The following RFTN1 variants were observed in gnomAD, a reference collection of about 807,000 sequenced individuals.
RFTN1 encodes the protein raftlin.
In RFTN1, 26 loss-of-function variants were observed where a neutral mutation model predicts 46.5. The observed-to-expected ratio is 0.56, with a 90% CI of 0.41 to 0.78. The LOEUF is 0.78. Among genes scored for constraint, RFTN1 ranks in the 30% least tolerant of loss-of-function variants. The pLI is 0.00. For missense variants in RFTN1, 693 were observed against 718.7 expected, an observed-to-expected ratio of 0.96 and a Z score of 0.41; for synonymous variants, 261 against 284.2, an observed-to-expected ratio of 0.92 and a Z score of 0.82.
At position 16,433,357 on chromosome 3, in the gene RFTN1, G is replaced by A. The variant is rs561266345; in HGVS notation, c.332+494C>T. Among the ~76,000 whole-genome samples the A allele has an allele frequency of 3.9e-5, 6 of 152,070 alleles. No homozygotes were observed. The highest frequency in any genetic ancestry group is 1.2e-4 in the African/African-American group (5 of 41,492). ...ACCAATTATAGCATTTTATTTAGGTGGTGTTTATTTTTTGTATTTTTTTAA... is the reference window on the plus strand; with the variant it reads ...ACCAATTATAGCATTTTATTTAGGTAGTGTTTATTTTTTGTATTTTTTTAA... On this transcript the variant is annotated intron_variant, in intron 3 of 9. Transcript: ENST00000334133. The surrounding 1 kb of genome is among the most constrained non-coding windows in gnomAD (Gnocchi z 4.4).
In RFTN1 at chr3:16,370,249, G is replaced by C; in HGVS notation, c.857C>G (p.Pro286Arg). 1 of 1,614,150 alleles carries C rather than the reference G, an allele frequency of 6.2e-7. No individual in the cohort carries two copies. The highest frequency in any genetic ancestry group is 1.3e-5 in the African/African-American group (1 of 75,024). The stretch of plus-strand genomic sequence containing the variant: ...TTGCCGGCACTTCTGATGGCTCTTC[G>C]GTTTGTTGAAAAGGGTGAAGATCTC... Reference protein sequence around the residue: ...KMEIFTLFNKPKSHQKCRQYY... With the variant: ...KMEIFTLFNKRKSHQKCRQYY... The change falls in exon 6 of 10, where the codon CCG (proline) becomes CGG (arginine). Residue 286 changes from proline to arginine, a missense_variant. Transcript: ENST00000334133. This position sits in a 1 kb window ranked among gnomAD's most constrained non-coding sequence, Gnocchi z 5.5.
chr3:16,461,024 C>T (rs975582188), intron 2 of RFTN1, among the ~76,000 whole-genome samples: 3 of 152,208 alleles, frequency 2.0e-5, no homozygotes, highest in African/African-American at 4.8e-5. Context: ...CAGAGGCCCT[C>T]GGGCAGCACA....
In RFTN1 at chr3:16,507,599, A is replaced by AACACACACAC. The variant is rs35848042; in HGVS notation, c.-9+5833_-9+5842dup. Among the ~76,000 whole-genome samples, 7 of 142,718 alleles carry AACACACACAC rather than the reference A, an allele frequency of 4.9e-5. No homozygotes were observed. Among genetic ancestry groups the AACACACACAC allele is most frequent in the African/African-American group, 1.8e-4 (7 of 38,368 alleles). The allele number at this position is 142,718 out of a possible 152,430, so 93.6% of individuals were successfully genotyped here. A position where few individuals can be genotyped will look rare whatever the true frequency, so the allele number is the denominator to read the frequency against. On this transcript the variant is annotated intron_variant, in intron 1 of 9. Coordinates refer to ENST00000334133, the MANE Select transcript of RFTN1 (RefSeq NM_015150.2). The surrounding 1 kb of genome is among the most constrained non-coding windows in gnomAD (Gnocchi z 7.1). Reference sequence around the variant, plus strand: ...TAAAAGGCAAAGTAGGGAGTTTCAAAACACACACACACACACACACACATA... The same window carrying AACACACACAC: ...TAAAAGGCAAAGTAGGGAGTTTCAAAACACACACACACACACACACACACACACACACATA...
intron 9 of RFTN1, among the ~76,000 whole-genome samples, chr3:16,319,705 A>G (rs2068830665): frequency 6.6e-6 from 1 of 152,214 alleles, no homozygotes; most frequent in South Asian, 2.1e-4. Flanking sequence ...TGCTGATATA[A>G]TACAAAACGA....
In RFTN1 at chr3:16,322,124, C is replaced by A. The variant is rs1199825321; in HGVS notation, c.1332+1252G>T. On this transcript the variant is annotated intron_variant, in intron 9 of 9. Coordinates refer to ENST00000334133, the MANE Select transcript of RFTN1 (RefSeq NM_015150.2). The surrounding 1 kb of genome is among the most constrained non-coding windows in gnomAD (Gnocchi z 6.2). ...CCGTGAGCCTGTGGCTGAGCTGAAACTGACAGCGCTCTGCAGCCGATCCAT... is the reference window on the plus strand; with the variant it reads ...CCGTGAGCCTGTGGCTGAGCTGAAAATGACAGCGCTCTGCAGCCGATCCAT... 1.3e-5 allele frequency among the ~76,000 whole-genome samples: 2 copies of A among 152,250 alleles called. No homozygotes were observed. The highest frequency in any genetic ancestry group is 1.5e-5 in the Non-Finnish European group (1 of 68,050).
At position 16,447,900 on chromosome 3, in the gene RFTN1, G is replaced by A. The variant is rs987555343; in HGVS notation, c.146-13863C>T. Among the ~76,000 whole-genome samples the A allele has an allele frequency of 1.3e-5, 2 of 152,190 alleles. No individual in the cohort carries two copies. Among genetic ancestry groups the A allele is most frequent in the African/African-American group, 4.8e-5 (2 of 41,454 alleles). ...CCTTTGAGGTTACGCATGAGGATCTGATAGGCATTTGTGTGCTTATAAGGA... is the reference window on the plus strand; with the variant it reads ...CCTTTGAGGTTACGCATGAGGATCTAATAGGCATTTGTGTGCTTATAAGGA... On this transcript the variant is annotated intron_variant, in intron 2 of 9. Coordinates refer to ENST00000334133, the MANE Select transcript of RFTN1 (RefSeq NM_015150.2). The surrounding 1 kb of genome is among the most constrained non-coding windows in gnomAD (Gnocchi z 5.9).
intron 2 of RFTN1, among the ~76,000 whole-genome samples, chr3:16,493,038 C>A (rs544849861): frequency 2.0e-5 from 3 of 152,186 alleles, no homozygotes. Flanking sequence ...AGCCCTCTTG[C>A]GAGATGGCAG....
intron 1 of RFTN1, among the ~76,000 whole-genome samples, chr3:16,494,843 C>A (rs2076599578): frequency 1.3e-5 from 2 of 152,220 alleles, no homozygotes; most frequent in Non-Finnish European, 1.5e-5. Flanking sequence ...GCCATCAGAA[C>A]ATATTTCACA....
At chr3:16,491,215 T>C (rs2076534001) in intron 2 of RFTN1, among the ~76,000 whole-genome samples, 1 of 151,014 alleles carries the variant, frequency 6.6e-6, no homozygotes, top group South Asian at 2.1e-4. Context: ...GTTAAGAAGA[T>C]GAGCAGGGGG....
intron 4 of RFTN1, among the ~76,000 whole-genome samples, chr3:16,401,660 G>T (rs892521676): frequency 2.6e-5 from 4 of 152,152 alleles, no homozygotes; most frequent in African/African-American, 9.7e-5. Context: ...GTATATCTCT[G>T]TTATGAATTG....
At chr3:16,396,333 G>C (rs559590611) in intron 4 of RFTN1, among the ~76,000 whole-genome samples, 1 of 152,278 alleles carries the variant, frequency 6.6e-6, no homozygotes, top group South Asian at 2.1e-4. Flanking sequence ...CTGTCACCCA[G>C]GCTGGAGTGC....
rs574406111 is a variant in RFTN1, at chr3:16,506,485, T to C, written c.-9+6957A>G. 3.0e-4 allele frequency among the ~76,000 whole-genome samples: 45 copies of C among 152,174 alleles called. No individual in the cohort carries two copies. The South Asian group carries it at 9.3e-3, about 32-fold the overall frequency. ...ACCCAGATGACAGTAAGTAGAGGTG[T>C]GAGCAGTGGTCAAATTCTGTATATG... On this transcript the variant is annotated intron_variant, in intron 1 of 9. Transcript: ENST00000334133. The surrounding 1 kb of genome is among the most constrained non-coding windows in gnomAD (Gnocchi z 4.8).
At chr3:16,392,125 G>A (rs753086042) in intron 4 of RFTN1, among the ~76,000 whole-genome samples, 2 of 152,030 alleles carry the variant, frequency 1.3e-5, no homozygotes, top group Non-Finnish European at 2.9e-5. Context: ...CTTCAGCCCT[G>A]CTGACTCCAA....
rs114001262 is a variant in RFTN1, at chr3:16,346,795, G to A, written c.1146+11137C>T. On this transcript the variant is annotated intron_variant, in intron 7 of 9. Transcript: ENST00000334133. This position sits in a 1 kb window ranked among gnomAD's most constrained non-coding sequence, Gnocchi z 4.4. ...ACATTTGCATGAGACACCTAGAATTGCCACAGTCACCTTGTGAGGAGGATC... is the reference window on the plus strand; with the variant it reads ...ACATTTGCATGAGACACCTAGAATTACCACAGTCACCTTGTGAGGAGGATC... 4.8e-3 allele frequency among the ~76,000 whole-genome samples: 724 copies of A among 152,262 alleles called. 2 individuals carry two copies. The highest frequency in any genetic ancestry group is 0.019 in the South Asian group (93 of 4,820).
At chr3:16,490,472 G>A (rs1216957777) in intron 2 of RFTN1, among the ~76,000 whole-genome samples, 1 of 152,162 alleles carries the variant, frequency 6.6e-6, no homozygotes, top group East Asian at 1.9e-4. Context: ...TCTGGGAAGG[G>A]CAAGACCAAG....
rs1181914836 is a variant in RFTN1, at chr3:16,512,318, T to C, written c.-9+1124A>G. Among the ~76,000 whole-genome samples, 1 of 152,132 alleles carries C rather than the reference T, an allele frequency of 6.6e-6. No individual in the cohort carries two copies. Among genetic ancestry groups the C allele is most frequent in the East Asian group, 1.9e-4 (1 of 5,202 alleles). On this transcript the variant is annotated intron_variant, in intron 1 of 9. Transcript: ENST00000334133. The surrounding 1 kb of genome is among the most constrained non-coding windows in gnomAD (Gnocchi z 4.3). ...AGGGGTTGGAAGATGCCTAGTCTAG[T>C]TGAGCGCCCAGCTCCTGAAACAGCT...
rs1407306038 is a variant in RFTN1, at chr3:16,387,684, T to G, written c.442-9582A>C. On this transcript the variant is annotated intron_variant, in intron 4 of 9. Coordinates refer to ENST00000334133, the MANE Select transcript of RFTN1 (RefSeq NM_015150.2). This position sits in a 1 kb window ranked among gnomAD's most constrained non-coding sequence, Gnocchi z 5.2. ...TTAAAAGAAGAAAAAGAGGAAAGAA[T>G]CCAACCAACAATAGAAGTAAGCAAG... is the stretch of plus-strand genomic sequence containing the variant. 6.7e-6 allele frequency among the ~76,000 whole-genome samples: 1 copy of G among 148,608 alleles called. No individual in the cohort carries two copies. The highest frequency in any genetic ancestry group is 2.5e-5 in the African/African-American group (1 of 40,094).
rs1016973815 is a variant in RFTN1 at position 16,409,599 on chromosome 3, C to T, written c.333-116G>A. 4 of 630,116 alleles carry T rather than the reference C, an allele frequency of 6.3e-6. No individual in the cohort carries two copies. The Admixed American group carries it at 8.9e-5, about 14-fold the overall frequency. 39.0% of individuals were successfully genotyped at this position (630,116 alleles called of 1,614,324 possible). A position where few individuals can be genotyped will look rare whatever the true frequency, so the allele number is the denominator to read the frequency against. ...ATGACGCGATCTCGGCTCACTGCAA[C>T]CCCCACCTCCCGGGTTCAAGCAATT... On this transcript the variant is annotated intron_variant, in intron 3 of 9. Coordinates refer to ENST00000334133, the MANE Select transcript of RFTN1 (RefSeq NM_015150.2).
chr3:16,360,260 C>T (rs949034853), intron 6 of RFTN1, among the ~76,000 whole-genome samples: 1 of 152,056 alleles, frequency 6.6e-6, no homozygotes, highest in Non-Finnish European at 1.5e-5. Context: ...CAGCCTCAAC[C>T]TCCTGGGCTC....
Sources: gnomAD v4.1 joint callset for allele counts (sites outside exome capture counted in the v4.1 genomes callset) on GRCh38, gnomAD v4.1.1 for gene constraint, Gnocchi (gnomAD v3.1) non-coding constraint, MANE v1.5 for transcripts, NCBI Gene and HGNC (gene_info 2026-07-23, HGNC 2026-07-21) for gene names.